NUP37: variants seen among roughly 807,000 people sequenced by gnomAD.
NUP37 encodes the protein nucleoporin Nup37.
A neutral mutation model predicts 45.4 loss-of-function variants in NUP37; 33 were observed. The observed-to-expected ratio is 0.73, with a 90% confidence interval of 0.55 to 0.97. The LOEUF (loss-of-function observed/expected upper bound fraction) is 0.97, where lower values mean the gene tolerates loss of function less well. NUP37 is among the 50% of genes least tolerant of loss of function. The pLI is 0.00. For missense variants in NUP37, 365 were observed against 389.7 expected (o/e 0.94, Z 0.53); for synonymous variants, 127 against 130.7 (o/e 0.97, Z 0.19).
chr12:102,081,812 G>A (rs1291043146), intron 6 of NUP37, among the ~76,000 whole-genome samples: 2 of 151,782 alleles, frequency 1.3e-5, no homozygotes, highest in Non-Finnish European at 2.9e-5. Context: ...TCCCACCTGA[G>A]CCTCCAGAGT....
intron 5 of NUP37, among the ~76,000 whole-genome samples, chr12:102,095,914 C>G (rs1879790954): frequency 6.6e-6 from 1 of 152,066 alleles, no homozygotes. Flanking sequence ...TCATAAATCT[C>G]TACAACTGTG....
At chr12:102,099,455 AACACAC>A (rs3841628) in intron 4 of NUP37, among the ~76,000 whole-genome samples, 3 of 151,414 alleles carry the variant, frequency 2.0e-5, no homozygotes, top group Non-Finnish European at 3.0e-5. Flanking sequence ...TTCTTACAAA[AACACAC>A]ACACACACAC....
intron 2 of NUP37, 44 bp from the exon 3 acceptor site, chr12:102,112,276 C>T (rs1209772850): frequency 6.7e-7 from 1 of 1,499,688 alleles, no homozygotes; most frequent in Non-Finnish European, 9.2e-7. Context: ...TGAGAACAAA[C>T]AATATAATAT....
intron 2 of NUP37, chr12:102,115,902 C>G (rs1225709538): frequency 1.9e-6 from 1 of 532,860 alleles, no homozygotes; most frequent in East Asian, 1.5e-4. Flanking sequence ...CAGTGTTTAG[C>G]TAGATAAAAA....
chr12:102,084,233 G>A (rs917310815), intron 6 of NUP37, among the ~76,000 whole-genome samples: 2 of 152,210 alleles, frequency 1.3e-5, no homozygotes, highest in Non-Finnish European at 2.9e-5. Context: ...GAATAAATAA[G>A]CTAACATACA....
intron 5 of NUP37, among the ~76,000 whole-genome samples, chr12:102,088,703 ATTTTTTT>A (rs768691385): frequency 9.2e-6 from 1 of 109,026 alleles, no homozygotes; most frequent in Non-Finnish European, 2.0e-5. Context: ...TTTTGTTTTA[ATTTTTTT>A]TTTTTTTTTT....
intron 5 of NUP37, among the ~76,000 whole-genome samples, chr12:102,087,065 A>G (rs1390538723): frequency 2.0e-5 from 3 of 152,160 alleles, no homozygotes; most frequent in Non-Finnish European, 4.4e-5. Flanking sequence ...GCACCTCTGC[A>G]CTCCAGCCTG....
chr12:102,083,696 A>G (rs1879393097), intron 6 of NUP37, among the ~76,000 whole-genome samples: 1 of 152,226 alleles, frequency 6.6e-6, no homozygotes, highest in Non-Finnish European at 1.5e-5. Context: ...GCAATTCACA[A>G]ATATATGGTG....
At chr12:102,076,175 G>A (rs972130697) in intron 8 of NUP37, among the ~76,000 whole-genome samples, 1 of 152,098 alleles carries the variant, frequency 6.6e-6, no homozygotes, top group Admixed American at 6.5e-5. Flanking sequence ...GTATCTTAAC[G>A]ATCCATGGCA....
intron 5 of NUP37, among the ~76,000 whole-genome samples, chr12:102,098,821 T>A (rs1879889113): frequency 6.6e-6 from 1 of 152,198 alleles, no homozygotes; most frequent in African/African-American, 2.4e-5. Context: ...CATGTGGCAC[T>A]GTGCCCAGTC....
At chr12:102,115,583 C>A (rs1443204060) in intron 2 of NUP37, among the ~76,000 whole-genome samples, 1 of 152,044 alleles carries the variant, frequency 6.6e-6, no homozygotes, top group Non-Finnish European at 1.5e-5. Context: ...GTCTTGGCAC[C>A]CAGTATGCAC....
chr12:102,117,717 T>C (rs116086828), intron 2 of NUP37, among the ~76,000 whole-genome samples: 1,958 of 152,204 alleles, frequency 0.013, 48 homozygotes, highest in African/African-American at 0.045. Flanking sequence ...TATTTACATA[T>C]ACTAAAATTC....
At position 102,077,443 on chromosome 12, in the gene NUP37, T is replaced by A; in HGVS notation, c.601A>T (p.Ile201Phe). 6.2e-7 allele frequency: 1 copy of A among 1,614,084 alleles called. No individual in the cohort carries two copies. Among genetic ancestry groups the A allele is most frequent in the Non-Finnish European group, 8.5e-7 (1 of 1,180,008 alleles). Residue 201 changes from isoleucine (I) to phenylalanine (F), a missense_variant, in exon 7 of 10, where the codon ATT becomes TTT. Transcript: ENST00000552283. ...RFYDLLAQQA[I>F]LSLESEQVPL... The stretch of plus-strand genomic sequence containing the variant: ...ACTTGTTCTGATTCAAGAGATAAAA[T>A]AGCCTGTTGGGCCAAAAGATCATAA...
intron 1 of NUP37, chr12:102,118,853 C>A (rs1880581892): frequency 4.6e-6 from 1 of 215,060 alleles, no homozygotes; most frequent in Admixed American, 5.3e-5. Context: ...AATAGTATTT[C>A]ATCTGAAGAT....
chr12:102,104,179 C>T (rs1398563930), intron 3 of NUP37, among the ~76,000 whole-genome samples: 1 of 151,968 alleles, frequency 6.6e-6, no homozygotes. Context: ...GTGAGGTAAC[C>T]TCTCATGTGG....
chr12:102,100,649 C>A (rs964938317), intron 4 of NUP37, among the ~76,000 whole-genome samples: 8 of 152,166 alleles, frequency 5.3e-5, no homozygotes, highest in African/African-American at 1.9e-4. Context: ...GTGCTCTTAA[C>A]CGCTTTGGAA....
chr12:102,115,454 A>G (rs1276093835), intron 2 of NUP37, among the ~76,000 whole-genome samples: 1 of 152,252 alleles, frequency 6.6e-6, no homozygotes, highest in African/African-American at 2.4e-5. Context: ...ACATTGATTT[A>G]GGCAAGCATA....
intron 5 of NUP37, among the ~76,000 whole-genome samples, chr12:102,089,061 GA>G (rs1163048536): frequency 6.6e-6 from 1 of 152,132 alleles, no homozygotes; most frequent in Non-Finnish European, 1.5e-5. Flanking sequence ...CAAGGCAGAA[GA>G]ATTTTTCTTA....
chr12:102,090,955 C>T (rs923433543), intron 5 of NUP37, among the ~76,000 whole-genome samples: 10 of 152,144 alleles, frequency 6.6e-5, no homozygotes, highest in African/African-American at 1.2e-4. Flanking sequence ...CGTCAGACAA[C>T]AGGATTTCTA....
Sources: gnomAD v4.1 joint callset for allele counts (sites outside exome capture counted in the v4.1 genomes callset) on GRCh38, gnomAD v4.1.1 for gene constraint, MANE v1.5 for transcripts, NCBI Gene and HGNC (gene_info 2026-07-23, HGNC 2026-07-21) for gene names.